Variants in ZFHX4 observed in about 807,000 individuals in gnomAD.
The protein encoded by ZFHX4 is zinc finger homeobox protein 4.
In ZFHX4, 56 loss-of-function variants were observed where a neutral mutation model predicts 267.6. The ratio of observed to expected loss-of-function variants is 0.21; its 90% CI spans 0.17 to 0.26. The LOEUF (loss-of-function observed/expected upper bound fraction) is 0.26. ZFHX4 is among the 10% of genes least tolerant of loss of function. The pLI is 1.00. For missense variants in ZFHX4, 4,332 were observed against 4,420.0 expected (o/e 0.98, Z 0.56); for synonymous variants, 1,778 against 1,665.6 (o/e 1.07, Z -1.64).
intron 1 of ZFHX4, among the ~76,000 whole-genome samples, chr8:76,694,629 A>C: frequency 6.6e-6 from 1 of 150,446 alleles, no homozygotes; most frequent in Admixed American, 6.6e-5. Context: ...TCATTTAGTT[A>C]ATGTTAGTCT....
chr8:76,823,114 G>A (rs888169539), intron 4 of ZFHX4, among the ~76,000 whole-genome samples: 2 of 148,956 alleles, frequency 1.3e-5, no homozygotes, highest in African/African-American at 4.9e-5. Flanking sequence ...AAGTGTGATG[G>A]ATGCTATAGT....
At chr8:76,780,698 A>G (rs981660036) in intron 4 of ZFHX4, among the ~76,000 whole-genome samples, 3 of 152,296 alleles carry the variant, frequency 2.0e-5, no homozygotes, top group Non-Finnish European at 4.4e-5. Flanking sequence ...AGATATTATG[A>G]GTTTAACAAA....
chr8:76,773,620 T>C (rs1385660857), intron 3 of ZFHX4, among the ~76,000 whole-genome samples: 9 of 152,154 alleles, frequency 5.9e-5, no homozygotes, highest in Non-Finnish European at 1.3e-4. Context: ...GCCCTTCAAA[T>C]TCCCTAATTG....
At position 76,854,853 on chromosome 8, in the gene ZFHX4, GA is replaced by G; in HGVS notation, c.7939del (p.Arg2647GlyfsTer44). The G allele has an allele frequency of 2.5e-6, 4 of 1,608,226 alleles. No individual in the cohort carries two copies. The highest frequency in any genetic ancestry group is 1.7e-5 in the Admixed American group (1 of 58,620). ...LDHIAREVGL[K>X]KRVVQVWFQN... ...ATCATATTGCCCGCGAAGTCGGGCT[GA>G]AAAAAAGGGTCGTGCAAGTCTGGTT... On this transcript the variant is annotated frameshift_variant, in exon 10 of 11. Coordinates refer to ENST00000651372, the MANE Select transcript of ZFHX4 (RefSeq NM_024721.5). LOFTEE classifies it high-confidence loss of function.
At position 76,851,392 on chromosome 8, in the gene ZFHX4, T is replaced by C. The variant is rs562503838; in HGVS notation, c.4471T>C (p.Tyr1491His). 1.0e-4 allele frequency: 169 copies of C among 1,613,294 alleles called. 3 individuals are homozygous for C. In the Admixed American group the frequency reaches 2.6e-3, roughly 25 times the overall value. Reference protein sequence around the residue: ...HGLEQEMEREYEVDHEGKASP... With the variant: ...HGLEQEMEREHEVDHEGKASP... Reference sequence around the variant, plus strand: ...CCTAGAGCAGGAAATGGAGAGAGAGTATGAGGTGGACCACGAAGGGAAAGC... The same window carrying C: ...CCTAGAGCAGGAAATGGAGAGAGAGCATGAGGTGGACCACGAAGGGAAAGC... Residue 1491 changes from tyrosine to histidine, a missense_variant, in exon 10 of 11, where the codon TAT becomes CAT. Transcript: ENST00000651372.
At chr8:76,720,272 G>C (rs1034694589) in intron 3 of ZFHX4, among the ~76,000 whole-genome samples, 2 of 152,016 alleles carry the variant, frequency 1.3e-5, no homozygotes, top group Non-Finnish European at 2.9e-5. Context: ...ATAGTATATG[G>C]GGTCCTTTGT....
At chr8:76,813,300 G>GT (rs764817492) in intron 4 of ZFHX4, among the ~76,000 whole-genome samples, 1 of 151,934 alleles carries the variant, frequency 6.6e-6, no homozygotes, top group Non-Finnish European at 1.5e-5. Context: ...GTACAGTCTC[G>GT]TAAGAATTTT....
In ZFHX4 at chr8:76,723,556, CT is replaced by C. The variant is rs150378157; in HGVS notation, c.3093+15519del. ...AACTAAATATCTCTTAATTCCCTTGCTTTTTTTTTTTAACTTATTTGATTAC... is the reference window on the plus strand; with the variant it reads ...AACTAAATATCTCTTAATTCCCTTGCTTTTTTTTTTAACTTATTTGATTAC... On this transcript the variant is annotated intron_variant, in intron 3 of 10. Coordinates refer to ENST00000651372, the MANE Select transcript of ZFHX4 (RefSeq NM_024721.5). 7.0e-3 allele frequency among the ~76,000 whole-genome samples: 1,004 copies of C among 142,654 alleles called. 7 individuals are homozygous for C. The highest frequency in any genetic ancestry group is 0.018 in the African/African-American group (700 of 39,216). The allele number at this position is 142,654 out of a possible 152,430, so 93.6% of individuals were successfully genotyped here. A position where few individuals can be genotyped will look rare whatever the true frequency, so the allele number is the denominator to read the frequency against.
chr8:76,747,158 T>C (rs1809480070), intron 3 of ZFHX4, among the ~76,000 whole-genome samples: 1 of 152,202 alleles, frequency 6.6e-6, no homozygotes, highest in Non-Finnish European at 1.5e-5. Flanking sequence ...TTTTTTAGAA[T>C]TTGTCAAATT....
intron 3 of ZFHX4, among the ~76,000 whole-genome samples, chr8:76,738,765 G>T (rs1365298722): frequency 3.6e-5 from 5 of 140,196 alleles, no homozygotes; most frequent in Non-Finnish European, 3.0e-5. Context: ...ATAGAGTCTT[G>T]CTCTGTCACC....
chr8:76,709,719 ATTGT>A (rs1043170184), intron 3 of ZFHX4, among the ~76,000 whole-genome samples: 8 of 151,692 alleles, frequency 5.3e-5, no homozygotes, highest in Admixed American at 2.6e-4. Flanking sequence ...GTGGGGTGTT[ATTGT>A]TTATTTTTTC....
intron 3 of ZFHX4, among the ~76,000 whole-genome samples, chr8:76,757,862 G>T (rs1809804958): frequency 6.6e-6 from 1 of 152,128 alleles, no homozygotes; most frequent in Admixed American, 6.5e-5. Flanking sequence ...GTAGCAAGAG[G>T]CTCCTCCACA....
chr8:76,800,288 A>T (rs1345881252), intron 4 of ZFHX4, among the ~76,000 whole-genome samples: 4 of 152,176 alleles, frequency 2.6e-5, no homozygotes, highest in Non-Finnish European at 5.9e-5. Flanking sequence ...GAGAAAACAG[A>T]CAATTTATGT....
intron 1 of ZFHX4, among the ~76,000 whole-genome samples, chr8:76,682,256 A>T (rs1293621847): frequency 1.3e-5 from 2 of 151,828 alleles, no homozygotes. Context: ...ACCCCACCTT[A>T]TTCAGCCTCG....
At chr8:76,796,921 A>C (rs2131818084) in intron 4 of ZFHX4, among the ~76,000 whole-genome samples, 1 of 152,266 alleles carries the variant, frequency 6.6e-6, no homozygotes, top group Admixed American at 6.5e-5. Flanking sequence ...AATGATTTCT[A>C]ACTAAGGCTA....
intron 1 of ZFHX4, among the ~76,000 whole-genome samples, chr8:76,698,968 A>G (rs946758649): frequency 2.0e-5 from 3 of 152,258 alleles, no homozygotes; most frequent in Admixed American, 2.0e-4. Flanking sequence ...GTGTAACAGA[A>G]GAGCCCTGAA....
intron 3 of ZFHX4, among the ~76,000 whole-genome samples, chr8:76,769,442 C>G (rs1810201035): frequency 6.6e-6 from 1 of 151,956 alleles, no homozygotes; most frequent in African/African-American, 2.4e-5. Flanking sequence ...CTTGACCTCC[C>G]AGGCTTAAGC....
At position 76,704,988 on chromosome 8, in the gene ZFHX4, T is replaced by A. The variant is rs367546818; in HGVS notation, c.900T>A (p.Asp300Glu). The change falls in exon 2 of 11, where the codon GAT (aspartate) becomes GAA (glutamate). Residue 300 changes from aspartate (D) to glutamate (E), a missense_variant. By Grantham distance (45) the Asp-to-Glu change is conservative. Around this residue, in one of 7 missense-constraint regions of ZFHX4, gnomAD observed 1,195 missense variants for 1,173.6 expected, o/e 1.02. Transcript: ENST00000651372. ...CATTTGTAACCCATGCTGTGCATGA[T>A]CATCGGATGACCCTCAATGACGAGG... Reference protein sequence around the residue: ...IRSFVTHAVHDHRMTLNDEEQ... With the variant: ...IRSFVTHAVHEHRMTLNDEEQ... 3.1e-6 allele frequency: 5 copies of A among 1,613,808 alleles called. No individual in the cohort carries two copies. Among genetic ancestry groups the A allele is most frequent in the South Asian group, 2.2e-5 (2 of 91,074 alleles).
rs753781617 is a variant in ZFHX4, at chr8:76,851,192, C to T, written c.4271C>T (p.Ala1424Val). 7.0e-5 allele frequency: 113 copies of T among 1,613,710 alleles called. No homozygotes were observed. The highest frequency in any genetic ancestry group is 1.6e-4 in the Middle Eastern group (1 of 6,084). Residue 1424 changes from alanine (A) to valine (V), a missense_variant, in exon 10 of 11, where the codon GCG becomes GTG. Transcript: ENST00000651372. ...IHSQYHAIRA[A>V]TMCNLCQRSF... ...TCCCAGTATCATGCAATTCGGGCTGCGACAATGTGTAACCTCTGCCAGCGC... is the reference window on the plus strand; with the variant it reads ...TCCCAGTATCATGCAATTCGGGCTGTGACAATGTGTAACCTCTGCCAGCGC...
Sources: allele counts gnomAD v4.1 joint callset (sites outside exome capture counted in the v4.1 genomes callset), GRCh38; gene constraint gnomAD v4.1.1; regional missense constraint gnomAD v4.1.1; transcripts MANE v1.5; gene names NCBI Gene and HGNC (gene_info 2026-07-23, HGNC 2026-07-21).